Variants in XKR4 observed in about 807,000 individuals in gnomAD.
XKR4 encodes XK-related protein 4.
Under a neutral mutation model 53.9 loss-of-function variants are expected in XKR4, and 12 were observed. The observed-to-expected ratio is 0.22, with a 90% CI of 0.14 to 0.36. The LOEUF (loss-of-function observed/expected upper bound fraction) is 0.36, where lower values mean the gene tolerates loss of function less well. Ranked by LOEUF, XKR4 falls within the 10% of genes least tolerant of loss-of-function variation. XKR4 has a pLI of 1.00. For missense variants in XKR4, 799 were observed against 859.5 expected, an observed-to-expected ratio of 0.93 and a Z score of 0.88; for synonymous variants, 354 against 362.4, an observed-to-expected ratio of 0.98 and a Z score of 0.26.
chr8:55,524,344 C>T lies in XKR4; in HGVS notation c.*117C>T. 1 of 990,206 alleles carries T rather than the reference C, an allele frequency of 1.0e-6. No individual in the cohort carries two copies. Among genetic ancestry groups the T allele is most frequent in the Non-Finnish European group, 1.5e-6 (1 of 683,710 alleles). The allele number at this position is 990,206 out of a possible 1,614,324, so 61.3% of individuals were successfully genotyped here. A position where few individuals can be genotyped will look rare whatever the true frequency, so the allele number is the denominator to read the frequency against. ...TGAGCCGTGAAGTTCCTAGTGGGAC[C>T]GTCATCACCATTATCATTTGATCCT... On this transcript the variant is annotated 3_prime_UTR_variant, in exon 3 of 3. Transcript: ENST00000327381.
intron 2 of XKR4, among the ~76,000 whole-genome samples, chr8:55,498,288 T>A (rs138487030): frequency 1.8e-3 from 269 of 152,248 alleles, no homozygotes; most frequent in African/African-American, 6.2e-3. Context: ...CGGATCCCCA[T>A]GGTCGCCTTC....
chr8:55,482,096 C>A (rs143515054), intron 2 of XKR4, among the ~76,000 whole-genome samples: 51,168 of 151,790 alleles, frequency 0.34, 10,308 homozygotes, highest in African/African-American at 0.58. Context: ...CACATGCACA[C>A]GTATGTTTAT....
chr8:55,499,528 G>A (rs1806405074), intron 2 of XKR4, among the ~76,000 whole-genome samples: 1 of 152,096 alleles, frequency 6.6e-6, no homozygotes, highest in Non-Finnish European at 1.5e-5. Context: ...TACAAGTTAG[G>A]AACCTGAAAA....
chr8:55,435,511 T>C (rs1448337340), intron 2 of XKR4, among the ~76,000 whole-genome samples: 1 of 152,034 alleles, frequency 6.6e-6, no homozygotes, highest in African/African-American at 2.4e-5. Context: ...TTTATAGCCC[T>C]TTTTATAGCT....
chr8:55,467,773 T>C (rs1805805224), intron 2 of XKR4, among the ~76,000 whole-genome samples: 1 of 152,166 alleles, frequency 6.6e-6, no homozygotes, highest in Non-Finnish European at 1.5e-5. Context: ...ATTATGGCCT[T>C]TGGCAAGTTT....
rs772606173 is a variant in XKR4, at chr8:55,523,505, A to C, written c.1231A>C (p.Ile411Leu). The change falls in exon 3 of 3, where the codon ATC becomes CTC. Residue 411 changes from isoleucine (I) to leucine (L), a missense_variant. Physicochemically the swap from Ile to Leu is conservative, Grantham distance 5. This residue lies in a region of XKR4 where 54 missense variants were observed against 89.7 expected (regional missense o/e 0.60). Transcript: ENST00000327381. ...FGIFIVLHWCIMTFWIVHCET... is the reference protein window; with the variant it reads ...FGIFIVLHWCLMTFWIVHCET... ...GATCTTCATCGTCCTTCACTGGTGCATCATGACCTTCTGGATCGTCCACTG... is the reference window on the plus strand; with the variant it reads ...GATCTTCATCGTCCTTCACTGGTGCCTCATGACCTTCTGGATCGTCCACTG... The C allele has an allele frequency of 6.2e-7, 1 of 1,614,200 alleles. No homozygotes were observed. The highest frequency in any genetic ancestry group is 8.5e-7 in the Non-Finnish European group (1 of 1,180,038).
intron 2 of XKR4, among the ~76,000 whole-genome samples, chr8:55,405,949 C>T (rs1351864552): frequency 6.6e-6 from 1 of 152,172 alleles, no homozygotes; most frequent in Non-Finnish European, 1.5e-5. Context: ...CTGGACCCCA[C>T]AGGAGTGAGC....
intron 2 of XKR4, among the ~76,000 whole-genome samples, chr8:55,360,396 T>C (rs1178700675): frequency 6.6e-6 from 1 of 152,324 alleles, no homozygotes. Context: ...ATAAATTAAA[T>C]TGATGTGAGT....
At chr8:55,249,096 G>T (rs188543761) in intron 1 of XKR4, among the ~76,000 whole-genome samples, 1 of 152,262 alleles carries the variant, frequency 6.6e-6, no homozygotes, top group African/African-American at 2.4e-5. Context: ...CTTTCATGAA[G>T]TTCTTATTCT....
At chr8:55,197,574 C>CG (rs1214826648) in intron 1 of XKR4, among the ~76,000 whole-genome samples, 2 of 148,398 alleles carry the variant, frequency 1.3e-5, no homozygotes, top group Non-Finnish European at 3.0e-5. Flanking sequence ...GACAGAGTCT[C>CG]GCTCTGTCAC....
chr8:55,346,308 A>G (rs1269693401), intron 1 of XKR4, among the ~76,000 whole-genome samples: 1 of 151,016 alleles, frequency 6.6e-6, no homozygotes. Flanking sequence ...ATATTCTCAA[A>G]CTCCTGACCT....
intron 1 of XKR4, among the ~76,000 whole-genome samples, chr8:55,143,842 C>T (rs1446741153): frequency 2.6e-5 from 4 of 152,252 alleles, no homozygotes; most frequent in Admixed American, 6.5e-5. Context: ...CCGGTAAATA[C>T]AGCAAAGAGC....
intron 1 of XKR4, among the ~76,000 whole-genome samples, chr8:55,137,992 G>GT (rs1242720432): frequency 7.2e-5 from 11 of 151,980 alleles, no homozygotes; most frequent in African/African-American, 2.4e-4. Flanking sequence ...GATTGTTCTG[G>GT]TATCTTGAAA....
chr8:55,514,380 C>G (rs1204097362), intron 2 of XKR4, among the ~76,000 whole-genome samples: 2 of 151,964 alleles, frequency 1.3e-5, no homozygotes, highest in Admixed American at 6.6e-5. Flanking sequence ...CCTCAGCCTC[C>G]CGAGTAGCTG....
chr8:55,364,789 C>T (rs895129833), intron 2 of XKR4, among the ~76,000 whole-genome samples: 6 of 152,078 alleles, frequency 3.9e-5, no homozygotes, highest in Non-Finnish European at 7.4e-5. Context: ...CCCGCCACCA[C>T]GCCCGACTAA....
At chr8:55,498,506 A>G (rs1345843179) in intron 2 of XKR4, among the ~76,000 whole-genome samples, 1 of 152,192 alleles carries the variant, frequency 6.6e-6, no homozygotes, top group Non-Finnish European at 1.5e-5. Context: ...AGGGCCGGGC[A>G]CAGTGGCTCA....
At chr8:55,234,449 T>TG (rs1435103311) in intron 1 of XKR4, among the ~76,000 whole-genome samples, 4 of 152,192 alleles carry the variant, frequency 2.6e-5, no homozygotes, top group African/African-American at 9.6e-5. Flanking sequence ...TGAGTATCTT[T>TG]GGGGGCCGAG....
chr8:55,311,313 G>A (rs544769758), intron 1 of XKR4, among the ~76,000 whole-genome samples: 1 of 152,270 alleles, frequency 6.6e-6, no homozygotes, highest in Admixed American at 6.5e-5. Flanking sequence ...CCCAGGAGAG[G>A]GCCTCAGTTC....
chr8:55,524,619 AAC>A lies in XKR4; in HGVS notation c.*398_*399del, dbSNP rs1806856175. 5.8e-6 allele frequency: 1 copy of A among 173,082 alleles called. No homozygotes were observed. The highest frequency in any genetic ancestry group is 5.9e-5 in the Admixed American group (1 of 16,970). 10.7% of individuals were successfully genotyped at this position (173,082 alleles called of 1,614,324 possible). A position where few individuals can be genotyped will look rare whatever the true frequency, so the allele number is the denominator to read the frequency against. ...TCAGTCATACACACATACACACACT[AAC>A]ACACATAAGTTACACCAGTCCTCTG... On this transcript the variant is annotated 3_prime_UTR_variant, in exon 3 of 3. Transcript: ENST00000327381.
Sources: gnomAD v4.1 joint callset for allele counts (sites outside exome capture counted in the v4.1 genomes callset) on GRCh38, gnomAD v4.1.1 for gene constraint, gnomAD v4.1.1 regional missense constraint, MANE v1.5 for transcripts, NCBI Gene and HGNC (gene_info 2026-07-23, HGNC 2026-07-21) for gene names.